The following CTNNA2 variants were observed in gnomAD, a reference collection of about 807,000 sequenced individuals.
The protein encoded by CTNNA2 is catenin alpha 2.
CTNNA2 carries 42 observed loss-of-function variants against 101.0 expected under a neutral mutation model. The observed-to-expected ratio is 0.42, with a 90% CI of 0.32 to 0.54. The LOEUF (loss-of-function observed/expected upper bound fraction) is 0.54. CTNNA2 is among the 20% of genes least tolerant of loss of function. CTNNA2 has a pLI of 0.14. For missense variants in CTNNA2, 871 were observed against 1,223.1 expected (o/e 0.71, Z 4.29); for synonymous variants, 450 against 456.4 (o/e 0.99, Z 0.18).
At chr2:80,304,037 G>A in intron 7 of CTNNA2, 1 of 464,074 alleles carries the variant, frequency 2.2e-6, no homozygotes, top group South Asian at 8.2e-5. Context: ...AAAGTTCACA[G>A]CCACGGAAAG....
chr2:79,208,055 A>C (rs1050502479), intron 2 of CTNNA2, among the ~76,000 whole-genome samples: 6 of 152,108 alleles, frequency 3.9e-5, no homozygotes, highest in Non-Finnish European at 5.9e-5. Context: ...TCAAGATAAG[A>C]CCAGTCTCCC....
chr2:80,207,933 G>A (rs1233270496), intron 7 of CTNNA2, among the ~76,000 whole-genome samples: 1 of 152,186 alleles, frequency 6.6e-6, no homozygotes, highest in Non-Finnish European at 1.5e-5. Flanking sequence ...AGAAGAACAA[G>A]AAGGGTGGAG....
intron 2 of CTNNA2, among the ~76,000 whole-genome samples, chr2:79,227,946 G>A (rs1274911943): frequency 3.3e-5 from 5 of 152,066 alleles, no homozygotes; most frequent in East Asian, 1.9e-4. Context: ...TGTTCCTATC[G>A]TTACAATCAC....
chr2:79,289,543 C>T (rs1469156270), intron 2 of CTNNA2, among the ~76,000 whole-genome samples: 2 of 151,888 alleles, frequency 1.3e-5, no homozygotes, highest in East Asian at 1.9e-4. Context: ...GGGTGTTGGT[C>T]GAGACCAGCC....
At chr2:80,206,524 G>C (rs1296768223) in intron 7 of CTNNA2, among the ~76,000 whole-genome samples, 1 of 152,226 alleles carries the variant, frequency 6.6e-6, no homozygotes, top group Admixed American at 6.5e-5. Flanking sequence ...ATAAGCTTCT[G>C]TGGAGAAGCA....
chr2:80,418,775 A>G (rs1417218948), intron 8 of CTNNA2, among the ~76,000 whole-genome samples: 1 of 152,102 alleles, frequency 6.6e-6, no homozygotes, highest in Non-Finnish European at 1.5e-5. Context: ...GTTTCATTTT[A>G]TTTTCAAGCA....
chr2:80,015,541 A>G (rs1694083805), intron 7 of CTNNA2, among the ~76,000 whole-genome samples: 1 of 152,140 alleles, frequency 6.6e-6, no homozygotes, highest in Non-Finnish European at 1.5e-5. Context: ...AGAGGAGAAG[A>G]TGGTGCCTCC....
At chr2:80,014,826 A>G (rs560616937) in intron 7 of CTNNA2, among the ~76,000 whole-genome samples, 1 of 152,302 alleles carries the variant, frequency 6.6e-6, no homozygotes, top group African/African-American at 2.4e-5. Flanking sequence ...CTTTGGAATT[A>G]CCCTATATGA....
chr2:80,565,071 AG>A (rs1436951334), intron 12 of CTNNA2, among the ~76,000 whole-genome samples: 6 of 152,220 alleles, frequency 3.9e-5, no homozygotes, highest in Non-Finnish European at 8.8e-5. Context: ...AATATGAGAT[AG>A]AAAGGAAATA....
chr2:79,688,276 A>G (rs1194879364), intron 2 of CTNNA2, among the ~76,000 whole-genome samples: 1 of 152,098 alleles, frequency 6.6e-6, no homozygotes, highest in Non-Finnish European at 1.5e-5. Flanking sequence ...TGCCAGTAGA[A>G]CAAACAGCAA....
chr2:79,236,730 T>G (rs755797771), intron 2 of CTNNA2, among the ~76,000 whole-genome samples: 2 of 152,232 alleles, frequency 1.3e-5, no homozygotes, highest in Non-Finnish European at 2.9e-5. Context: ...CAATTGATGC[T>G]GTTGTAGATT....
intron 7 of CTNNA2, among the ~76,000 whole-genome samples, chr2:80,272,186 GT>G (rs1208887357): frequency 6.6e-6 from 1 of 152,104 alleles, no homozygotes; most frequent in East Asian, 1.9e-4. Context: ...ATAAATAACA[GT>G]TCACTAAATT....
chr2:80,511,173 T>A (rs1292460363), intron 9 of CTNNA2, among the ~76,000 whole-genome samples: 1 of 152,214 alleles, frequency 6.6e-6, no homozygotes, highest in African/African-American at 2.4e-5. Flanking sequence ...CCTGCTGAAC[T>A]ATATGTGAAT....
chr2:79,216,841 C>G (rs896120543), intron 2 of CTNNA2, among the ~76,000 whole-genome samples: 1 of 152,018 alleles, frequency 6.6e-6, no homozygotes. Flanking sequence ...CCCCCCAGAA[C>G]TGCAGTACTT....
At chr2:79,969,067 G>A (rs570949332) in intron 7 of CTNNA2, among the ~76,000 whole-genome samples, 1 of 152,278 alleles carries the variant, frequency 6.6e-6, no homozygotes, top group South Asian at 2.1e-4. Flanking sequence ...TCTATTAAGA[G>A]ACATCATTAC....
At chr2:79,423,761 A>T (rs2104504144) in intron 4 of CTNNA2, among the ~76,000 whole-genome samples, 1 of 152,326 alleles carries the variant, frequency 6.6e-6, no homozygotes, top group African/African-American at 2.4e-5. Flanking sequence ...AACAGAATTA[A>T]GTTCCCACCA....
At chr2:79,536,686 TTTTTC>T (rs70940037) in intron 1 of CTNNA2, among the ~76,000 whole-genome samples, 30 of 140,030 alleles carry the variant, frequency 2.1e-4, no homozygotes, top group East Asian at 2.1e-3. Context: ...ATGGATTTTT[TTTTTC>T]TTTTCTTTTC....
At position 79,703,071 on chromosome 2, in the gene CTNNA2, A is replaced by G. The variant is rs563965584; in HGVS notation, c.103-41316A>G. The stretch of plus-strand genomic sequence containing the variant: ...GGAAATAGAGAACAGTTGTGTCCAG[A>G]CATCTAAAATCTGAAACACAGAAGA... On this transcript the variant is annotated intron_variant, in intron 2 of 18. Coordinates refer to ENST00000402739, the MANE Select transcript of CTNNA2 (RefSeq NM_001282597.3). 1.1e-4 allele frequency among the ~76,000 whole-genome samples: 16 copies of G among 152,338 alleles called. No homozygotes were observed. In the South Asian group the frequency reaches 2.1e-3, roughly 20 times the overall value.
At chr2:80,566,295 C>G (rs912862712) in intron 12 of CTNNA2, among the ~76,000 whole-genome samples, 1 of 152,080 alleles carries the variant, frequency 6.6e-6, no homozygotes, top group African/African-American at 2.4e-5. Context: ...GGCATCCCAT[C>G]TTTTTTTGCC....
Sources: allele counts gnomAD v4.1 joint callset (sites outside exome capture counted in the v4.1 genomes callset), GRCh38; gene constraint gnomAD v4.1.1; transcripts MANE v1.5; gene names NCBI Gene and HGNC (gene_info 2026-07-23, HGNC 2026-07-21).